The following RBFOX1 variants were observed in gnomAD, a reference collection of about 807,000 sequenced individuals.
RBFOX1 encodes RNA binding fox-1 homolog 1.
RBFOX1 carries 8 observed loss-of-function variants against 57.7 expected under a neutral mutation model. That is an observed-to-expected ratio of 0.14 (90% confidence interval 0.08 to 0.25). The LOEUF is 0.25. Among genes scored for constraint, RBFOX1 ranks in the 10% least tolerant of loss-of-function variants. RBFOX1 has a pLI of 1.00. For synonymous variants in RBFOX1, 326 were observed against 222.4 expected, an observed-to-expected ratio of 1.47 and a Z score of -4.15; for missense variants, 611 against 548.5, an observed-to-expected ratio of 1.11 and a Z score of -1.14.
intron 3 of RBFOX1, among the ~76,000 whole-genome samples, chr16:6,809,560 A>G (rs1317889626): frequency 6.6e-6 from 1 of 152,092 alleles, no homozygotes; most frequent in East Asian, 1.9e-4. Flanking sequence ...ACTATATCCT[A>G]TTGTATATGA....
At chr16:6,213,319 T>A (rs2097310702) in intron 1 of RBFOX1, among the ~76,000 whole-genome samples, 1 of 152,334 alleles carries the variant, frequency 6.6e-6, no homozygotes, top group Non-Finnish European at 1.5e-5. Context: ...TCAGCTGATC[T>A]GTTCCACTTT....
At chr16:6,603,209 C>T (rs933049460) in intron 2 of RBFOX1, among the ~76,000 whole-genome samples, 1 of 152,154 alleles carries the variant, frequency 6.6e-6, no homozygotes, top group African/African-American at 2.4e-5. Context: ...ACCCAGCTTA[C>T]TTGTCTCAGG....
chr16:6,132,113 C>T (rs2009670), intron 1 of RBFOX1, among the ~76,000 whole-genome samples: 4,666 of 152,262 alleles, frequency 0.031, 255 homozygotes, highest in African/African-American at 0.11. Flanking sequence ...CAGCTTTTAA[C>T]GACCAATTGA....
At chr16:6,994,404 G>C (rs1413178409) in intron 3 of RBFOX1, among the ~76,000 whole-genome samples, 1 of 152,094 alleles carries the variant, frequency 6.6e-6, no homozygotes, top group Non-Finnish European at 1.5e-5. Context: ...ATAGTGCATG[G>C]GCAATGCTTC....
chr16:5,544,981 T>G (rs140816735), intron 2 of RBFOX1, among the ~76,000 whole-genome samples: 1 of 14,878 alleles, frequency 6.7e-5, no homozygotes, highest in South Asian at 6.2e-3. Context: ...TTTTTTTTTT[T>G]TTTTTTTTTT....
At chr16:7,703,138 T>C (rs1042045503) in intron 14 of RBFOX1, among the ~76,000 whole-genome samples, 2 of 152,252 alleles carry the variant, frequency 1.3e-5, no homozygotes, top group African/African-American at 4.8e-5. Flanking sequence ...GTTGCTATGC[T>C]GTACGGTAAG....
intron 4 of RBFOX1, among the ~76,000 whole-genome samples, chr16:5,942,399 G>C (rs1241950691): frequency 6.6e-6 from 1 of 152,174 alleles, no homozygotes; most frequent in African/African-American, 2.4e-5. Context: ...TGAGTCACGG[G>C]TCTGAGTGGA....
intron 2 of RBFOX1, among the ~76,000 whole-genome samples, chr16:6,526,564 C>G (rs142982876): frequency 2.6e-5 from 4 of 151,998 alleles, no homozygotes; most frequent in Admixed American, 1.3e-4. Context: ...GGCACAGTGG[C>G]TCATGCCTGT....
chr16:5,255,519 T>G (rs1333554704), intron 1 of RBFOX1, among the ~76,000 whole-genome samples: 1 of 151,592 alleles, frequency 6.6e-6, no homozygotes, highest in African/African-American at 2.4e-5. Flanking sequence ...TACTTACCCA[T>G]GCATCTATCC....
intron 4 of RBFOX1, among the ~76,000 whole-genome samples, chr16:7,286,325 G>C (rs936422120): frequency 5.1e-4 from 77 of 152,192 alleles, no homozygotes; most frequent in African/African-American, 1.6e-3. Flanking sequence ...ACATCATGTG[G>C]CTTTGCAGGA....
At chr16:7,597,733 G>C (rs560927956) in intron 9 of RBFOX1, among the ~76,000 whole-genome samples, 1 of 152,330 alleles carries the variant, frequency 6.6e-6, no homozygotes, top group East Asian at 1.9e-4. Flanking sequence ...ATTACAGTAA[G>C]TTGAGGGGAG....
chr16:6,504,050 G>A (rs1245476659), intron 2 of RBFOX1, among the ~76,000 whole-genome samples: 1 of 152,090 alleles, frequency 6.6e-6, no homozygotes, highest in Non-Finnish European at 1.5e-5. Flanking sequence ...TATTGTTTCA[G>A]CACCACTGAT....
intron 3 of RBFOX1, among the ~76,000 whole-genome samples, chr16:5,634,008 G>C (rs1263498293): frequency 6.6e-6 from 1 of 152,178 alleles, no homozygotes; most frequent in African/African-American, 2.4e-5. Context: ...CCCACCTTGA[G>C]TGTAATGGTG....
intron 3 of RBFOX1, among the ~76,000 whole-genome samples, chr16:7,023,408 C>G (rs561436191): frequency 2.7e-5 from 4 of 150,044 alleles, no homozygotes; most frequent in South Asian, 4.2e-4. Flanking sequence ...TGCAGTGAGC[C>G]GAGATCATGT....
chr16:6,098,065 G>C (rs1275774874), intron 1 of RBFOX1, among the ~76,000 whole-genome samples: 2 of 152,148 alleles, frequency 1.3e-5, no homozygotes, highest in Non-Finnish European at 2.9e-5. Flanking sequence ...TTTTTCAAAG[G>C]CAAGAGAAGT....
chr16:6,993,618 A>C (rs1047963221), intron 3 of RBFOX1, among the ~76,000 whole-genome samples: 5 of 152,146 alleles, frequency 3.3e-5, no homozygotes, highest in African/African-American at 1.2e-4. Context: ...TAATTGTTAA[A>C]ATTCCACTCA....
intron 2 of RBFOX1, among the ~76,000 whole-genome samples, chr16:6,587,298 T>A (rs1055078414): frequency 6.6e-6 from 1 of 152,106 alleles, no homozygotes; most frequent in Admixed American, 6.6e-5. Flanking sequence ...GCCTTTTTTT[T>A]TGAGACAAAG....
chr16:7,328,054 G>C (rs1383074218), intron 4 of RBFOX1, among the ~76,000 whole-genome samples: 1 of 152,170 alleles, frequency 6.6e-6, no homozygotes, highest in Non-Finnish European at 1.5e-5. Flanking sequence ...AGAAGGGCCA[G>C]TCACTTATGT....
intron 3 of RBFOX1, among the ~76,000 whole-genome samples, chr16:5,753,452 A>G (rs1408305728): frequency 6.6e-6 from 1 of 152,018 alleles, no homozygotes; most frequent in Non-Finnish European, 1.5e-5. Context: ...AAGAGTTACA[A>G]CTCCGTTTCC....
Sources: allele counts gnomAD v4.1 joint callset (sites outside exome capture counted in the v4.1 genomes callset), GRCh38; gene constraint gnomAD v4.1.1; transcripts MANE v1.5; gene names NCBI Gene and HGNC (gene_info 2026-07-23, HGNC 2026-07-21).